The following NOL4L variants were observed in gnomAD, a reference collection of about 807,000 sequenced individuals.
NOL4L encodes the protein nucleolar protein 4 like, also known as nucleolar protein 4-like.
In NOL4L, 7 loss-of-function variants were observed where a neutral mutation model predicts 64.5. That is an observed-to-expected ratio of 0.11 (90% CI 0.06 to 0.20). The LOEUF (loss-of-function observed/expected upper bound fraction) is 0.20, where lower values mean the gene tolerates loss of function less well. Ranked by LOEUF, NOL4L falls within the 10% of genes least tolerant of loss-of-function variation. The pLI is 1.00. For synonymous variants in NOL4L, 413 were observed against 401.0 expected, an observed-to-expected ratio of 1.03 and a Z score of -0.36; for missense variants, 680 against 967.1, an observed-to-expected ratio of 0.70 and a Z score of 3.94.
At chr20:32,531,752 C>T (rs911904039) in intron 1 of NOL4L, among the ~76,000 whole-genome samples, 4 of 152,146 alleles carry the variant, frequency 2.6e-5, no homozygotes, top group Non-Finnish European at 4.4e-5. Context: ...GTCAGGCATC[C>T]AGCACATACA....
intron 1 of NOL4L, among the ~76,000 whole-genome samples, chr20:32,573,205 C>T (rs954880087): frequency 6.6e-6 from 1 of 152,070 alleles, no homozygotes; most frequent in African/African-American, 2.4e-5. Flanking sequence ...ATTATAGAGA[C>T]ACAGTCTCAC....
At chr20:32,493,260 C>A (rs1037422743) in intron 4 of NOL4L, among the ~76,000 whole-genome samples, 2 of 152,154 alleles carry the variant, frequency 1.3e-5, no homozygotes, top group Admixed American at 6.5e-5. Flanking sequence ...TGCAGGGAAA[C>A]GGGCAGGTTA....
intron 1 of NOL4L, among the ~76,000 whole-genome samples, chr20:32,559,369 A>AGTAG (rs1447589380): frequency 6.6e-6 from 1 of 152,156 alleles, no homozygotes; most frequent in African/African-American, 2.4e-5. Flanking sequence ...GCTGGCACAT[A>AGTAG]GTAGGTACTC....
At chr20:32,448,969 A>T (rs2012594341) in intron 10 of NOL4L, among the ~76,000 whole-genome samples, 1 of 152,246 alleles carries the variant, frequency 6.6e-6, no homozygotes, top group Non-Finnish European at 1.5e-5. Context: ...CACTCAGCAC[A>T]GGCTGAGGCT....
chr20:32,563,720 A>G (rs931150356), intron 1 of NOL4L, among the ~76,000 whole-genome samples: 4 of 152,162 alleles, frequency 2.6e-5, no homozygotes, highest in Non-Finnish European at 5.9e-5. Context: ...ACTGTTGCCC[A>G]GAGAGGCCAA....
rs1318694157 is a variant in NOL4L at position 32,456,323 on chromosome 20, T to A, written c.914A>T (p.Gln305Leu). Residue 305 changes from glutamine (Q) to leucine (L), a missense_variant, in exon 6 of 11, where the codon CAG (glutamine) becomes CTG (leucine). Around this residue, in one of 4 missense-constraint regions of NOL4L, gnomAD observed 254 missense variants for 238.7 expected, o/e 1.06. Coordinates refer to ENST00000621426, the MANE Select transcript of NOL4L (RefSeq NM_001256798.2). ...TLNPSTSSST[Q>L]GDPAFPEMNG... ...CATCTCGGGGAAGGCAGGGTCGCCC[T>A]GCGTGCTGCTCGACGTGGATGGGTT... is the stretch of plus-strand genomic sequence containing the variant. 1 of 1,561,470 alleles carries A rather than the reference T, an allele frequency of 6.4e-7. No individual in the cohort carries two copies. The highest frequency in any genetic ancestry group is 8.7e-7 in the Non-Finnish European group (1 of 1,150,506).
At chr20:32,584,133 G>GCACACACACACACACACACACACA (rs745461984) in intron 1 of NOL4L, among the ~76,000 whole-genome samples, 6 of 88,822 alleles carry the variant, frequency 6.8e-5, no homozygotes, top group African/African-American at 3.1e-4. Context: ...CTCCGCGCGC[G>GCACACACACACACACACACACACA]CACACACACA....
In NOL4L at chr20:32,515,381, G is replaced by A. The variant is rs190738524; in HGVS notation, c.590-3925C>T. ...GTTCTGTGGGGGAGGGAGGACCTCCGCAGGGAGGGGACATTCTAGGTGAGG... is the reference window on the plus strand; with the variant it reads ...GTTCTGTGGGGGAGGGAGGACCTCCACAGGGAGGGGACATTCTAGGTGAGG... On this transcript the variant is annotated intron_variant, in intron 3 of 10. Coordinates refer to ENST00000621426, the MANE Select transcript of NOL4L (RefSeq NM_001256798.2). 3.0e-4 allele frequency among the ~76,000 whole-genome samples: 45 copies of A among 152,246 alleles called. No homozygotes were observed. The East Asian group carries it at 4.5e-3, about 15-fold the overall frequency.
At chr20:32,536,778 C>T (rs2018540570) in intron 1 of NOL4L, among the ~76,000 whole-genome samples, 2 of 121,860 alleles carry the variant, frequency 1.6e-5, no homozygotes, top group Non-Finnish European at 3.3e-5. Context: ...GACGGCTCCG[C>T]GGCTGCAGCC....
chr20:32,461,879 AGAGTTG>A (rs2014104173), intron 5 of NOL4L, among the ~76,000 whole-genome samples: 1 of 151,822 alleles, frequency 6.6e-6, no homozygotes, highest in African/African-American at 2.4e-5. Context: ...CTAGAGACCC[AGAGTTG>A]GTGCAGCTGT....
chr20:32,546,335 G>A (rs1206952896), intron 1 of NOL4L, among the ~76,000 whole-genome samples: 3 of 151,910 alleles, frequency 2.0e-5, no homozygotes, highest in South Asian at 4.2e-4. Context: ...CACAACCTCC[G>A]CCTCCTAGGT....
intron 3 of NOL4L, among the ~76,000 whole-genome samples, chr20:32,513,687 T>C (rs1165973645): frequency 6.6e-6 from 1 of 151,818 alleles, no homozygotes; most frequent in Non-Finnish European, 1.5e-5. Flanking sequence ...ACATAGTGAG[T>C]CCCTCGTCTC....
intron 1 of NOL4L, among the ~76,000 whole-genome samples, chr20:32,559,993 C>T (rs969534866): frequency 2.0e-5 from 3 of 152,220 alleles, no homozygotes; most frequent in Admixed American, 6.5e-5. Context: ...GCGGTGTGCC[C>T]GGCCCCCTGG....
rs2012351892 is a variant in NOL4L, at chr20:32,446,805, A to C, written c.*791T>G. Reference sequence around the variant, plus strand: ...AAGCCCACGCTGGAGTGTGAGGTAGAATACAGGTGACCATGGACTGGGGCT... The same window carrying C: ...AAGCCCACGCTGGAGTGTGAGGTAGCATACAGGTGACCATGGACTGGGGCT... On this transcript the variant is annotated 3_prime_UTR_variant, in exon 11 of 11. Coordinates refer to ENST00000621426, the MANE Select transcript of NOL4L (RefSeq NM_001256798.2). The C allele has an allele frequency of 1.0e-5, 2 of 195,366 alleles. No homozygotes were observed. The highest frequency in any genetic ancestry group is 1.1e-4 in the Admixed American group (2 of 18,582). The allele number at this position is 195,366 out of a possible 1,614,324, so 12.1% of individuals were successfully genotyped here. A position where few individuals can be genotyped will look rare whatever the true frequency, so the allele number is the denominator to read the frequency against.
At chr20:32,466,257 C>A (rs531925211) in intron 5 of NOL4L, among the ~76,000 whole-genome samples, 1 of 152,286 alleles carries the variant, frequency 6.6e-6, no homozygotes, top group East Asian at 1.9e-4. Flanking sequence ...CATGAGCCAC[C>A]ACGCCTGGTT....
chr20:32,519,223 G>A (rs1039137936), intron 3 of NOL4L, among the ~76,000 whole-genome samples: 5 of 152,172 alleles, frequency 3.3e-5, no homozygotes, highest in African/African-American at 4.8e-5. Context: ...TGAAACAGCC[G>A]TGGCCTGATG....
Position 32,560,009 on chromosome 20 carries a change from G to A in NOL4L, c.321+24561C>T, listed in dbSNP as rs1012754694. On this transcript the variant is annotated intron_variant, in intron 1 of 10. Transcript: ENST00000621426. ...CGGTGTGCCCGGCCCCCTGGCACTC[G>A]GGCTGCCTTCTTGTCCTCCTCCTCC... Among the ~76,000 whole-genome samples, 32 of 152,230 alleles carry A rather than the reference G, an allele frequency of 2.1e-4. 1 individual carries two copies. The highest frequency in any genetic ancestry group is 1.0e-4 in the Non-Finnish European group (7 of 68,030).
chr20:32,474,375 T>C (rs1209090671), intron 5 of NOL4L, among the ~76,000 whole-genome samples: 1 of 152,240 alleles, frequency 6.6e-6, no homozygotes, highest in Non-Finnish European at 1.5e-5. Context: ...GCCAGTCCTA[T>C]GGGCTCTCTC....
At chr20:32,558,524 T>C (rs923573328) in intron 1 of NOL4L, among the ~76,000 whole-genome samples, 3 of 152,218 alleles carry the variant, frequency 2.0e-5, no homozygotes, top group Non-Finnish European at 4.4e-5. Flanking sequence ...ATGAAGAAAC[T>C]GACTCACGGT....
Sources: allele counts gnomAD v4.1 joint callset (sites outside exome capture counted in the v4.1 genomes callset), GRCh38; gene constraint gnomAD v4.1.1; regional missense constraint gnomAD v4.1.1; transcripts MANE v1.5; gene names NCBI Gene and HGNC (gene_info 2026-07-23, HGNC 2026-07-21).